Variants in ENTPD8 observed in about 807,000 individuals in gnomAD.
ENTPD8 encodes E-NTPDase 8.
Under a neutral mutation model 47.0 loss-of-function variants are expected in ENTPD8, and 35 were observed. That is an observed-to-expected ratio of 0.75 (90% CI 0.57 to 0.99). ENTPD8 has a LOEUF of 0.99. Ranked by LOEUF, ENTPD8 falls within the 50% of genes least tolerant of loss-of-function variation. ENTPD8 has a pLI of 0.00. For missense variants in ENTPD8, 668 were observed against 649.9 expected (o/e 1.03, Z -0.30); for synonymous variants, 308 against 290.5 (o/e 1.06, Z -0.61).
Position 137,434,455 on chromosome 9 carries a change from C to T in ENTPD8, c.*459G>A. On this transcript the variant is annotated 3_prime_UTR_variant, in exon 10 of 10. Coordinates refer to ENST00000371506, the MANE Select transcript of ENTPD8 (RefSeq NM_001033113.2). ...GGAGGCCGGGCTGGCCCAGCAGAAG[C>T]CCCCAGGCCTGGACTCCATCCATCT... 2.1e-6 allele frequency: 3 copies of T among 1,397,162 alleles called. No homozygotes were observed. The highest frequency in any genetic ancestry group is 2.9e-6 in the Non-Finnish European group (3 of 1,037,622). 86.5% of individuals were successfully genotyped at this position (1,397,162 alleles called of 1,614,324 possible). A position where few individuals can be genotyped will look rare whatever the true frequency, so the allele number is the denominator to read the frequency against.
rs779668900 is a variant in ENTPD8 at position 137,437,978 on chromosome 9, C to A, written c.233G>T (p.Cys78Phe). The change falls in exon 3 of 10, where the codon TGC becomes TTC. Residue 78 changes from cysteine to phenylalanine, a missense_variant. Transcript: ENST00000371506. ...AACAGCCCACTAACCTTCCACCTGG[C>A]AGGCCAGGGCCTGGCTGACCACACC... ...GTGVVSQALA[C>F]QVEGPGISSY... is the part of the protein sequence containing the mutation. 1 of 1,612,094 alleles carries A rather than the reference C, an allele frequency of 6.2e-7. No homozygotes were observed. Among genetic ancestry groups the A allele is most frequent in the Admixed American group, 1.7e-5 (1 of 59,960 alleles).
intron 6 of ENTPD8, 45 bp from the exon 7 acceptor site, chr9:137,436,321 C>T (rs746148143): frequency 2.0e-6 from 3 of 1,503,432 alleles, no homozygotes; most frequent in Non-Finnish European, 2.7e-6. Context: ...ACACCTGCGG[C>T]CCTGTGCCCC....
intron 3 of ENTPD8, 114 bp downstream of exon 3, chr9:137,437,853 G>C (rs543970929): frequency 1.2e-5 from 11 of 949,440 alleles, no homozygotes; most frequent in South Asian, 3.1e-5. Flanking sequence ...CATGCCCGGC[G>C]TGTGAGCTCA....
At position 137,435,058 on chromosome 9, in the gene ENTPD8, C is replaced by T. The variant is rs1394298740; in HGVS notation, c.1344G>A (p.Leu448=). 1.2e-6 allele frequency: 2 copies of T among 1,612,272 alleles called. No homozygotes were observed. Among genetic ancestry groups the T allele is most frequent in the East Asian group, 2.2e-5 (1 of 44,864 alleles). The change falls in exon 10 of 10, where the codon CTG becomes CTA. Residue 448 remains leucine (L), a synonymous_variant. Coordinates refer to ENST00000371506, the MANE Select transcript of ENTPD8 (RefSeq NM_001033113.2). ...IGWTLGYMLN[L]TGMIPADAPA... is the part of the protein sequence containing the mutation. Reference sequence around the variant, plus strand: ...GCGCATCGGCCGGGATCATCCCGGTCAGGTTCAGCATGTAGCCCAGTGTCC... The same window carrying T: ...GCGCATCGGCCGGGATCATCCCGGTTAGGTTCAGCATGTAGCCCAGTGTCC...
In ENTPD8 at chr9:137,434,901, C is replaced by T; in HGVS notation, c.*13G>A. 6.3e-7 allele frequency: 1 copy of T among 1,599,072 alleles called. No individual in the cohort carries two copies. The highest frequency in any genetic ancestry group is 8.5e-7 in the Non-Finnish European group (1 of 1,172,556). On this transcript the variant is annotated 3_prime_UTR_variant, in exon 10 of 10. Transcript: ENST00000371506. ...GCCTGTGGGCTCTGTGGGGGCCCACCTCCGCCTTCCCACTAGTCCTGCAAC... is the reference window on the plus strand; with the variant it reads ...GCCTGTGGGCTCTGTGGGGGCCCACTTCCGCCTTCCCACTAGTCCTGCAAC...
Position 137,438,450 on chromosome 9 carries a change from C to T in ENTPD8, c.-20-145G>A, listed in dbSNP as rs1839429874. Reference sequence around the variant, plus strand: ...AGAGGCATCTCCGGGGCTCAGACGCCTCCCGTGGCCATAGAGGCATCCCCG... The same window carrying T: ...AGAGGCATCTCCGGGGCTCAGACGCTTCCCGTGGCCATAGAGGCATCCCCG... On this transcript the variant is annotated intron_variant, in intron 1 of 9. Coordinates refer to ENST00000371506, the MANE Select transcript of ENTPD8 (RefSeq NM_001033113.2). The surrounding 1 kb of genome is among the most constrained non-coding windows in gnomAD (Gnocchi z 5.7). The T allele has an allele frequency of 6.5e-6, 6 of 919,722 alleles. No individual in the cohort carries two copies. The highest frequency in any genetic ancestry group is 6.2e-6 in the Non-Finnish European group (4 of 642,890). 57.0% of individuals were successfully genotyped at this position (919,722 alleles called of 1,614,324 possible).
In ENTPD8 at chr9:137,435,043, C is replaced by A. The variant is rs1408220757; in HGVS notation, c.1359G>T (p.Pro453=). ...GYMLNLTGMI[P]ADAPAQWRAE... is the part of the protein sequence containing the mutation. Reference sequence around the variant, plus strand: ...CCCGCCACTGAGCCGGCGCATCGGCCGGGATCATCCCGGTCAGGTTCAGCA... The same window carrying A: ...CCCGCCACTGAGCCGGCGCATCGGCAGGGATCATCCCGGTCAGGTTCAGCA... The change falls in exon 10 of 10, where the codon CCG becomes CCT. Residue 453 remains proline (P), a synonymous_variant. Coordinates refer to ENST00000371506, the MANE Select transcript of ENTPD8 (RefSeq NM_001033113.2). The A allele has an allele frequency of 6.2e-7, 1 of 1,612,634 alleles. No homozygotes were observed. Among genetic ancestry groups the A allele is most frequent in the Admixed American group, 1.7e-5 (1 of 59,996 alleles).
intron 8 of ENTPD8, 80 bp from the exon 9 acceptor site, chr9:137,435,418 A>G (rs1468154961): frequency 3.9e-6 from 6 of 1,530,470 alleles, no homozygotes; most frequent in Admixed American, 2.0e-5. Flanking sequence ...TGTCCTGGCC[A>G]ACCTGAGCAC....
chr9:137,434,503 CG>C lies in ENTPD8; in HGVS notation c.*410del. On this transcript the variant is annotated 3_prime_UTR_variant, in exon 10 of 10. Transcript: ENST00000371506. ...TCTGCTCAGACAACAGCAGGGAGAG[CG>C]GGGGTCCAGGTGGGGCAGCTCCCTC... 9.5e-7 allele frequency: 1 copy of C among 1,047,192 alleles called. No homozygotes were observed. Among genetic ancestry groups the C allele is most frequent in the Non-Finnish European group, 1.4e-6 (1 of 731,552 alleles). The allele number at this position is 1,047,192 out of a possible 1,614,324, so 64.9% of individuals were successfully genotyped here.
chr9:137,440,209 G>GCC (rs1309237315), intron 1 of ENTPD8, among the ~76,000 whole-genome samples: 1 of 67,118 alleles, frequency 1.5e-5, no homozygotes, highest in Non-Finnish European at 3.0e-5. Context: ...GACCAGGACA[G>GCC]CCCCCCCAGA....
chr9:137,435,389 A>G (rs1274254514), intron 8 of ENTPD8, 51 bp from the exon 9 acceptor site: 3 of 1,577,318 alleles, frequency 1.9e-6, no homozygotes, highest in East Asian at 2.2e-5. Context: ...ATCCCCAGTC[A>G]TGCGGGGACC....
At position 137,434,790 on chromosome 9, in the gene ENTPD8, G is replaced by T; in HGVS notation, c.*124C>A. The T allele has an allele frequency of 1.6e-6, 2 of 1,232,902 alleles. No individual in the cohort carries two copies. The highest frequency in any genetic ancestry group is 2.2e-6 in the Non-Finnish European group (2 of 915,682). The allele number at this position is 1,232,902 out of a possible 1,614,324, so 76.4% of individuals were successfully genotyped here. A position where few individuals can be genotyped will look rare whatever the true frequency, so the allele number is the denominator to read the frequency against. On this transcript the variant is annotated 3_prime_UTR_variant, in exon 10 of 10. Coordinates refer to ENST00000371506, the MANE Select transcript of ENTPD8 (RefSeq NM_001033113.2). ...CCACCCTGACGGTGCCCTGGAGGTG[G>T]CTGTCACCTGACCGTGGGCAGAGCC...
In ENTPD8 at chr9:137,436,932, G is replaced by A. The variant is rs754820881; in HGVS notation, c.492C>T (p.Ala164=). ...PVDFWGAELL[A]GQAEGAFGWI... ...AACCAAAGGCACCTTCGGCCTGCCCGGCCAGGAGCTCGGCACCCCAAAAGT... is the reference window on the plus strand; with the variant it reads ...AACCAAAGGCACCTTCGGCCTGCCCAGCCAGGAGCTCGGCACCCCAAAAGT... Residue 164 remains alanine (A), a synonymous_variant, in exon 5 of 10, where the codon GCC becomes GCT. Coordinates refer to ENST00000371506, the MANE Select transcript of ENTPD8 (RefSeq NM_001033113.2). 2.0e-5 allele frequency: 32 copies of A among 1,612,944 alleles called. No homozygotes were observed. Among genetic ancestry groups the A allele is most frequent in the Middle Eastern group, 3.3e-4 (2 of 6,084 alleles).
Position 137,436,749 on chromosome 9 carries a change from G to GTAC in ENTPD8, c.556-1_557dup (p.Lys185_Tyr186insTer). ...GCTGGATCCATTCTCCAGTGAAGGA[G>GTAC]TACTGGGCACAGAAGGGGCCACTCA... On this transcript the variant is annotated stop_gained and splice_region_variant, in exon 6 of 10. Coordinates refer to ENST00000371506, the MANE Select transcript of ENTPD8 (RefSeq NM_001033113.2). LOFTEE classifies it high-confidence loss of function. 6.2e-7 allele frequency: 1 copy of GTAC among 1,604,948 alleles called. No homozygotes were observed. Among genetic ancestry groups the GTAC allele is most frequent in the Non-Finnish European group, 8.5e-7 (1 of 1,175,618 alleles).
chr9:137,434,588 C>T lies in ENTPD8; in HGVS notation c.*326G>A, dbSNP rs974274550. On this transcript the variant is annotated 3_prime_UTR_variant, in exon 10 of 10. Transcript: ENST00000371506. ...ATCAGGAGCAGGACCCCTGTGCCTC[C>T]GTGGTCTTGCCCTGTTTGCAGGCAG... is the stretch of plus-strand genomic sequence containing the variant. 32 of 595,982 alleles carry T rather than the reference C, an allele frequency of 5.4e-5. No homozygotes were observed. Among genetic ancestry groups the T allele is most frequent in the East Asian group, 3.0e-5 (1 of 33,808 alleles). The allele number at this position is 595,982 out of a possible 1,614,324, so 36.9% of individuals were successfully genotyped here. A position where few individuals can be genotyped will look rare whatever the true frequency, so the allele number is the denominator to read the frequency against.
intron 8 of ENTPD8, 62 bp downstream of exon 8, chr9:137,435,657 C>A (rs1839324544): frequency 6.7e-7 from 1 of 1,486,522 alleles, no homozygotes; most frequent in Non-Finnish European, 9.3e-7. Context: ...AGCATCCTGC[C>A]CGAGGCAGCC....
Position 137,435,020 on chromosome 9 carries a change from C to T in ENTPD8, c.1382G>A (p.Arg461Gln), listed in dbSNP as rs768017419. 1.4e-5 allele frequency: 23 copies of T among 1,612,658 alleles called. No individual in the cohort carries two copies. The highest frequency in any genetic ancestry group is 3.3e-4 in the Middle Eastern group (2 of 6,084). Residue 461 changes from arginine (R) to glutamine (Q), a missense_variant, in exon 10 of 10, where the codon CGG (arginine) becomes CAG (glutamine). Arg to Gln is a conservative substitution (Grantham distance 43, BLOSUM62 1). Transcript: ENST00000371506. ...MIPADAPAQW[R>Q]AESYGVWVAK... is the part of the protein sequence containing the mutation. ...CACCCAGACGCCGTAGCTCTCTGCC[C>T]GCCACTGAGCCGGCGCATCGGCCGG...
rs1441255909 is a variant in ENTPD8 at position 137,436,013 on chromosome 9, A to G, written c.1050T>C (p.Tyr350=). 2.5e-6 allele frequency: 4 copies of G among 1,612,580 alleles called. No homozygotes were observed. The highest frequency in any genetic ancestry group is 3.3e-5 in the Admixed American group (2 of 60,004). The change falls in exon 7 of 10, where the codon TAT becomes TAC. Residue 350 remains tyrosine, a splice_region_variant and synonymous_variant. Coordinates refer to ENST00000371506, the MANE Select transcript of ENTPD8 (RefSeq NM_001033113.2). ...TGGTGGGGGCAGTGTAGGTGCTCACATAGAACTGGCCCCGCAGCGGGGGCT... is the reference window on the plus strand; with the variant it reads ...TGGTGGGGGCAGTGTAGGTGCTCACGTAGAACTGGCCCCGCAGCGGGGGCT... The part of the protein sequence containing the change: ...VYQPPLRGQF[Y]AFSNFYYTFH...
Position 137,435,916 on chromosome 9 carries a change from C to G in ENTPD8, c.1051-87G>C. ...CCCGGGCTCCCAGAGCCCCTAAGAGCCAGCCTGGGCCCCTCCTGGGCCTGC... is the reference window on the plus strand; with the variant it reads ...CCCGGGCTCCCAGAGCCCCTAAGAGGCAGCCTGGGCCCCTCCTGGGCCTGC... On this transcript the variant is annotated intron_variant, in intron 7 of 9. Transcript: ENST00000371506. 2.9e-5 allele frequency: 46 copies of G among 1,602,452 alleles called. 1 individual carries two copies. The South Asian group carries it at 4.9e-4, about 17-fold the overall frequency.
Sources: gnomAD v4.1 joint callset for allele counts (sites outside exome capture counted in the v4.1 genomes callset) on GRCh38, gnomAD v4.1.1 for gene constraint, Gnocchi (gnomAD v3.1) non-coding constraint, MANE v1.5 for transcripts, NCBI Gene and HGNC (gene_info 2026-07-23, HGNC 2026-07-21) for gene names.